Variants in STXBP5L observed in about 807,000 individuals in gnomAD.
STXBP5L encodes syntaxin-binding protein 5-like.
Under a neutral mutation model 144.5 loss-of-function variants are expected in STXBP5L, and 65 were observed. The ratio of observed to expected loss-of-function variants is 0.45; its 90% CI spans 0.37 to 0.55. The LOEUF (loss-of-function observed/expected upper bound fraction) is 0.55. Ranked by LOEUF, STXBP5L falls within the 20% of genes least tolerant of loss-of-function variation. STXBP5L has a pLI of 0.00. For synonymous variants in STXBP5L, 505 were observed against 469.6 expected, an observed-to-expected ratio of 1.08 and a Z score of -0.97; for missense variants, 1,298 against 1,405.5, an observed-to-expected ratio of 0.92 and a Z score of 1.22.
intron 14 of STXBP5L, among the ~76,000 whole-genome samples, chr3:121,249,310 G>A (rs921916048): frequency 6.6e-6 from 1 of 151,972 alleles, no homozygotes; most frequent in African/African-American, 2.4e-5. Context: ...ATGCCATTTA[G>A]GGGAACAAAC....
At chr3:121,163,461 T>C (rs556525853) in intron 9 of STXBP5L, among the ~76,000 whole-genome samples, 1 of 151,666 alleles carries the variant, frequency 6.6e-6, no homozygotes, top group South Asian at 2.1e-4. Flanking sequence ...TTAGGACAAA[T>C]ACCTAATGCA....
intron 5 of STXBP5L, among the ~76,000 whole-genome samples, chr3:121,098,343 A>G (rs2107768997): frequency 6.6e-6 from 1 of 152,270 alleles, no homozygotes; most frequent in Non-Finnish European, 1.5e-5. Flanking sequence ...ATGTGGTTAG[A>G]CAGGGAGCAA....
intron 10 of STXBP5L, among the ~76,000 whole-genome samples, chr3:121,207,981 G>T (rs1003988648): frequency 6.6e-6 from 1 of 152,094 alleles, no homozygotes; most frequent in African/African-American, 2.4e-5. Flanking sequence ...TCCCCTTACT[G>T]GGTATATACC....
intron 19 of STXBP5L, among the ~76,000 whole-genome samples, chr3:121,311,251 C>G (rs1370032438): frequency 6.6e-6 from 1 of 152,118 alleles, no homozygotes; most frequent in East Asian, 1.9e-4. Context: ...ATTGGAACTC[C>G]CGTAAGTTGC....
intron 5 of STXBP5L, among the ~76,000 whole-genome samples, chr3:121,082,058 C>G (rs897028757): frequency 2.0e-5 from 3 of 152,146 alleles, no homozygotes; most frequent in Admixed American, 2.0e-4. Flanking sequence ...ACTGATTCTT[C>G]CAACTTTATT....
intron 10 of STXBP5L, among the ~76,000 whole-genome samples, chr3:121,210,269 T>A (rs2048506507): frequency 6.6e-6 from 1 of 152,224 alleles, no homozygotes; most frequent in South Asian, 2.1e-4. Flanking sequence ...TTGCCCATTT[T>A]TTGATGGAGT....
chr3:121,301,884 C>T (rs932219990), intron 19 of STXBP5L, among the ~76,000 whole-genome samples: 1 of 152,166 alleles, frequency 6.6e-6, no homozygotes, highest in African/African-American at 2.4e-5. Flanking sequence ...CCTTGCATCC[C>T]AGGGATGAAG....
At chr3:121,096,741 C>G (rs929029656) in intron 5 of STXBP5L, among the ~76,000 whole-genome samples, 1 of 152,128 alleles carries the variant, frequency 6.6e-6, no homozygotes, top group Non-Finnish European at 1.5e-5. Flanking sequence ...GGGAACCTAC[C>G]AGTTGCCAGC....
rs1005773674 is a variant in STXBP5L at position 121,201,091 on chromosome 3, T to A, written c.878-4832T>A. ...TAATATTGATAGTGGGGTGTTAAAT[T>A]CTCCCACTATTGCTATGCAGGAGTC... On this transcript the variant is annotated intron_variant, in intron 9 of 26. Transcript: ENST00000471454. Among the ~76,000 whole-genome samples the A allele has an allele frequency of 2.0e-5, 3 of 152,176 alleles. No individual in the cohort carries two copies. The East Asian group carries it at 5.8e-4, about 29-fold the overall frequency.
intron 22 of STXBP5L, among the ~76,000 whole-genome samples, chr3:121,386,595 C>T (rs376248339): frequency 3.9e-5 from 6 of 151,902 alleles, no homozygotes; most frequent in South Asian, 4.2e-4. Flanking sequence ...ATGTTCCCTG[C>T]GCTGTGTCCA....
chr3:121,153,501 A>AAC (rs998435225), intron 8 of STXBP5L, among the ~76,000 whole-genome samples: 6 of 151,968 alleles, frequency 3.9e-5, no homozygotes, highest in South Asian at 2.1e-4. Flanking sequence ...TAGAAAATGA[A>AAC]ACACACACAC....
intron 5 of STXBP5L, among the ~76,000 whole-genome samples, chr3:121,094,995 TTGTCTGTAAAGCA>T (rs1386329432): frequency 3.9e-5 from 6 of 152,184 alleles, no homozygotes; most frequent in Admixed American, 1.3e-4. Flanking sequence ...CAGCATTTGC[TTGTCTGTAAAGCA>T]TATCTGTAAA....
intron 5 of STXBP5L, among the ~76,000 whole-genome samples, chr3:121,090,405 C>A (rs1424995306): frequency 6.6e-6 from 1 of 152,082 alleles, no homozygotes; most frequent in Non-Finnish European, 1.5e-5. Flanking sequence ...AGAGTACCTC[C>A]TTACTGCTCC....
Position 121,045,476 on chromosome 3 carries a change from G to T in STXBP5L, c.411G>T (p.Leu137Phe). The T allele has an allele frequency of 6.2e-7, 1 of 1,613,218 alleles. No individual in the cohort carries two copies. Among genetic ancestry groups the T allele is most frequent in the Non-Finnish European group, 8.5e-7 (1 of 1,179,462 alleles). Reference protein sequence around the residue: ...VSASSDDTLHLWNLRQKRPAI... With the variant: ...VSASSDDTLHFWNLRQKRPAI... The stretch of plus-strand genomic sequence containing the variant: ...CAAGTTCAGATGATACACTTCATTT[G>T]TGGAACCTTAGACAAAAAAGGCCAG... The change falls in exon 5 of 27, where the codon TTG (leucine) becomes TTT (phenylalanine). Residue 137 changes from leucine (L) to phenylalanine (F), a missense_variant. Coordinates refer to ENST00000471454, the MANE Select transcript of STXBP5L (RefSeq NM_001308330.2).
intron 5 of STXBP5L, among the ~76,000 whole-genome samples, chr3:121,050,374 T>C (rs995245202): frequency 2.0e-5 from 3 of 152,150 alleles, no homozygotes; most frequent in Non-Finnish European, 2.9e-5. Context: ...TTCAAGGATA[T>C]CAAAAAACTT....
At chr3:121,167,581 G>T (rs2046545230) in intron 9 of STXBP5L, among the ~76,000 whole-genome samples, 2 of 151,980 alleles carry the variant, frequency 1.3e-5, no homozygotes, top group Non-Finnish European at 2.9e-5. Flanking sequence ...ACTGGGTGGA[G>T]CCCTCCTTAA....
At chr3:121,341,014 T>A (rs1016308486) in intron 20 of STXBP5L, among the ~76,000 whole-genome samples, 3 of 151,994 alleles carry the variant, frequency 2.0e-5, no homozygotes, top group Non-Finnish European at 2.9e-5. Flanking sequence ...AAAATGGGAT[T>A]ACATCAAGCT....
chr3:121,358,977 A>G (rs1157363700), intron 20 of STXBP5L, among the ~76,000 whole-genome samples: 1 of 152,086 alleles, frequency 6.6e-6, no homozygotes, highest in Non-Finnish European at 1.5e-5. Flanking sequence ...TATGTACCCA[A>G]TAGTAGGATT....
chr3:120,969,065 G>A (rs1264423872), intron 3 of STXBP5L, among the ~76,000 whole-genome samples: 1 of 152,066 alleles, frequency 6.6e-6, no homozygotes, highest in Non-Finnish European at 1.5e-5. Context: ...TCAGTAGTGG[G>A]ATTGCTAGAT....
Sources: gnomAD v4.1 joint callset for allele counts (sites outside exome capture counted in the v4.1 genomes callset) on GRCh38, gnomAD v4.1.1 for gene constraint, MANE v1.5 for transcripts, NCBI Gene and HGNC (gene_info 2026-07-23, HGNC 2026-07-21) for gene names.